CPNE5: variants seen among roughly 807,000 people sequenced by gnomAD.
CPNE5 encodes the protein copine 5, also known as copine-5.
CPNE5 carries 42 observed loss-of-function variants against 81.1 expected under a neutral mutation model. That is an observed-to-expected ratio of 0.52 (90% confidence interval 0.40 to 0.67). The LOEUF is 0.67. CPNE5 is among the 30% of genes least tolerant of loss of function. CPNE5 has a pLI of 0.00. For synonymous variants in CPNE5, 313 were observed against 321.5 expected (o/e 0.97, Z 0.28); for missense variants, 612 against 815.5 (o/e 0.75, Z 3.04).
At chr6:36,757,661 C>CA (rs1424046286) in intron 12 of CPNE5, among the ~76,000 whole-genome samples, 1 of 152,066 alleles carries the variant, frequency 6.6e-6, no homozygotes, top group Non-Finnish European at 1.5e-5. Flanking sequence ...GTCCTCAGGG[C>CA]AAAAAGTGAC....
At chr6:36,791,059 G>A (rs1769048513) in intron 8 of CPNE5, among the ~76,000 whole-genome samples, 1 of 152,126 alleles carries the variant, frequency 6.6e-6, no homozygotes, top group African/African-American at 2.4e-5. Flanking sequence ...AGCTCCATGG[G>A]AAGCTGTGTT....
intron 13 of CPNE5, chr6:36,754,750 G>A (rs1451699476): frequency 6.6e-6 from 1 of 152,260 alleles, no homozygotes; most frequent in East Asian, 1.9e-4. Context: ...AAGAAGGCTG[G>A]ATGAGATCAG....
chr6:36,754,366 C>T (rs886514555), intron 13 of CPNE5: 7 of 152,182 alleles, frequency 4.6e-5, no homozygotes, highest in African/African-American at 1.4e-4. Context: ...CAGACTTTCC[C>T]CTATTCAAAG....
At chr6:36,786,365 G>A (rs1768552617) in intron 8 of CPNE5, among the ~76,000 whole-genome samples, 2 of 152,130 alleles carry the variant, frequency 1.3e-5, no homozygotes, top group South Asian at 4.1e-4. Context: ...TGAGAGACTG[G>A]GCCTGTCTTT....
chr6:36,742,063 C>A lies in CPNE5; in HGVS notation c.*205G>T. On this transcript the variant is annotated 3_prime_UTR_variant, in exon 21 of 21. Coordinates refer to ENST00000244751, the MANE Select transcript of CPNE5 (RefSeq NM_020939.2). ...GGTCCCTGTGTACCCCTCTTTCACC[C>A]GTACCCCCCTAACTCCCTGGGTTTG... 1.8e-6 allele frequency: 1 copy of A among 564,828 alleles called. No individual in the cohort carries two copies. The highest frequency in any genetic ancestry group is 3.1e-6 in the Non-Finnish European group (1 of 317,696). The allele number at this position is 564,828 out of a possible 1,614,324, so 35.0% of individuals were successfully genotyped here. A position where few individuals can be genotyped will look rare whatever the true frequency, so the allele number is the denominator to read the frequency against.
At chr6:36,750,207 A>G (rs1413612899) in intron 14 of CPNE5, among the ~76,000 whole-genome samples, 1 of 152,188 alleles carries the variant, frequency 6.6e-6, no homozygotes, top group Admixed American at 6.5e-5. Flanking sequence ...GGTAGGCCTC[A>G]CCTCACTTGC....
chr6:36,788,273 G>A (rs1470486592), intron 8 of CPNE5, among the ~76,000 whole-genome samples: 1 of 152,016 alleles, frequency 6.6e-6, no homozygotes, highest in Non-Finnish European at 1.5e-5. Flanking sequence ...GAACTCCTGA[G>A]CTCAAGCTAT....
At chr6:36,779,335 G>A (rs1054319219) in intron 8 of CPNE5, among the ~76,000 whole-genome samples, 1 of 152,196 alleles carries the variant, frequency 6.6e-6, no homozygotes, top group African/African-American at 2.4e-5. Context: ...GCAGAGTGAG[G>A]CACGTGGCAA....
intron 6 of CPNE5, among the ~76,000 whole-genome samples, chr6:36,795,510 G>T (rs931288148): frequency 6.6e-6 from 1 of 152,110 alleles, no homozygotes; most frequent in African/African-American, 2.4e-5. Context: ...GGTAATTAAG[G>T]TAAAATGAGG....
rs543122625 is a variant in CPNE5 at position 36,799,042 on chromosome 6, C to T, written c.288-548G>A. ...TCAGCTGGCTGCAGGCAGCGTGATGCTACAGCTGGCCTCCTCCCCTCACCT... is the reference window on the plus strand; with the variant it reads ...TCAGCTGGCTGCAGGCAGCGTGATGTTACAGCTGGCCTCCTCCCCTCACCT... On this transcript the variant is annotated intron_variant, in intron 4 of 20. Transcript: ENST00000244751. Among the ~76,000 whole-genome samples the T allele has an allele frequency of 1.3e-4, 20 of 152,278 alleles. No homozygotes were observed. In the South Asian group the frequency reaches 4.1e-3, roughly 32 times the overall value.
chr6:36,770,915 TGTGA>T (rs1766984434), intron 10 of CPNE5, among the ~76,000 whole-genome samples: 1 of 152,110 alleles, frequency 6.6e-6, no homozygotes, highest in Non-Finnish European at 1.5e-5. Flanking sequence ...AACACAAATC[TGTGA>T]GTAAGAATCT....
intron 1 of CPNE5, among the ~76,000 whole-genome samples, chr6:36,836,575 G>A (rs1297312453): frequency 6.6e-6 from 1 of 152,202 alleles, no homozygotes; most frequent in African/African-American, 2.4e-5. Flanking sequence ...ACCAGCAGGT[G>A]TCACTCAGAT....
chr6:36,765,648 C>T (rs1766495248), intron 10 of CPNE5, among the ~76,000 whole-genome samples: 2 of 152,236 alleles, frequency 1.3e-5, no homozygotes, highest in South Asian at 4.1e-4. Flanking sequence ...TCAGTTCACC[C>T]CACCTTCTTC....
chr6:36,770,999 A>G (rs1221035097), intron 10 of CPNE5, among the ~76,000 whole-genome samples: 1 of 151,966 alleles, frequency 6.6e-6, no homozygotes, highest in African/African-American at 2.4e-5. Context: ...CTGAACCATT[A>G]TCCCTTCCCC....
At chr6:36,780,329 C>T (rs367819960) in intron 8 of CPNE5, among the ~76,000 whole-genome samples, 4 of 152,210 alleles carry the variant, frequency 2.6e-5, no homozygotes, top group African/African-American at 4.8e-5. Context: ...AGGGCCAAAA[C>T]GGTGGCAGAG....
At chr6:36,745,640 G>A (rs1216280101) in intron 16 of CPNE5, 125 bp from the exon 17 acceptor site, 2 of 1,133,864 alleles carry the variant, frequency 1.8e-6, no homozygotes, top group Non-Finnish European at 2.5e-6. Context: ...TCTGGTGTGG[G>A]GTGGCGGGGC....
rs139895158 is a variant in CPNE5, at chr6:36,822,258, A to G, written c.137-98T>C. The stretch of plus-strand genomic sequence containing the variant: ...CCTGGCTGGGCAGGCGCCTCAGCAG[A>G]CCCAGCCTGGGTAGCACTGTTGGAT... On this transcript the variant is annotated intron_variant, in intron 2 of 20. Coordinates refer to ENST00000244751, the MANE Select transcript of CPNE5 (RefSeq NM_020939.2). The G allele has an allele frequency of 2.8e-3, 2,840 of 1,005,012 alleles. 11 individuals carry two copies. The highest frequency in any genetic ancestry group is 0.018 in the Middle Eastern group (83 of 4,520). 62.3% of individuals were successfully genotyped at this position (1,005,012 alleles called of 1,614,324 possible). A position where few individuals can be genotyped will look rare whatever the true frequency, so the allele number is the denominator to read the frequency against.
chr6:36,775,265 G>C (rs1477942912), intron 9 of CPNE5, among the ~76,000 whole-genome samples, 200 bp from the exon 10 acceptor site: 1 of 152,202 alleles, frequency 6.6e-6, no homozygotes, highest in African/African-American at 2.4e-5. Flanking sequence ...CTGCAGAAAG[G>C]GTTCCTGTAC....
At position 36,773,384 on chromosome 6, in the gene CPNE5, C is replaced by T. The variant is rs182898121; in HGVS notation, c.737+1577G>A. The stretch of plus-strand genomic sequence containing the variant: ...TCCCATTTTGGGTGGTGGCCCCACT[C>T]GCTCTCTCGGCGCTTGCTACAATGT... On this transcript the variant is annotated intron_variant, in intron 10 of 20. Coordinates refer to ENST00000244751, the MANE Select transcript of CPNE5 (RefSeq NM_020939.2). 3.7e-4 allele frequency among the ~76,000 whole-genome samples: 56 copies of T among 152,364 alleles called. 1 individual carries two copies. Among genetic ancestry groups the T allele is most frequent in the Admixed American group, 3.2e-3 (49 of 15,308 alleles).
Sources: allele counts gnomAD v4.1 joint callset (sites outside exome capture counted in the v4.1 genomes callset), GRCh38; gene constraint gnomAD v4.1.1; transcripts MANE v1.5; gene names NCBI Gene and HGNC (gene_info 2026-07-23, HGNC 2026-07-21).